The following RGS7 variants were observed in gnomAD, a reference collection of about 807,000 sequenced individuals.
RGS7 encodes regulator of G protein signaling 7.
In RGS7, 27 loss-of-function variants were observed where a neutral mutation model predicts 81.1. The observed-to-expected ratio is 0.33, with a 90% CI of 0.25 to 0.46. RGS7 has a LOEUF of 0.46. RGS7 is among the 20% of genes least tolerant of loss of function. The probability of loss-of-function intolerance (pLI) is 1.00; values close to 1 mark genes in which losing one functional copy is unlikely to be tolerated. For synonymous variants in RGS7, 208 were observed against 207.7 expected (o/e 1.00, Z -0.01); for missense variants, 396 against 607.4 (o/e 0.65, Z 3.66).
intron 3 of RGS7, among the ~76,000 whole-genome samples, chr1:241,027,509 C>T (rs2059852273): frequency 1.3e-5 from 2 of 152,160 alleles, no homozygotes; most frequent in East Asian, 1.9e-4. Flanking sequence ...AGCCAGGAGA[C>T]CCACTGCTGC....
At chr1:241,321,567 A>G (rs1450982321) in intron 2 of RGS7, among the ~76,000 whole-genome samples, 1 of 152,068 alleles carries the variant, frequency 6.6e-6, no homozygotes, top group Non-Finnish European at 1.5e-5. Context: ...CATCTTCCAA[A>G]CTTCTCTTTC....
chr1:240,956,925 G>T (rs1247403376), intron 4 of RGS7, among the ~76,000 whole-genome samples: 1 of 152,028 alleles, frequency 6.6e-6, no homozygotes, highest in Non-Finnish European at 1.5e-5. Flanking sequence ...TCCTCAAAAC[G>T]GTTAAGGCCG....
At chr1:240,864,259 CT>C (rs1258608572) in intron 9 of RGS7, among the ~76,000 whole-genome samples, 1 of 152,156 alleles carries the variant, frequency 6.6e-6, no homozygotes, top group African/African-American at 2.4e-5. Context: ...TGATACCTTT[CT>C]ATATTATATC....
intron 2 of RGS7, among the ~76,000 whole-genome samples, chr1:241,160,110 C>CAAAAAAAAAAA (rs369734662): frequency 8.9e-5 from 5 of 56,122 alleles, no homozygotes; most frequent in African/African-American, 1.9e-4. Flanking sequence ...GACTCCATCT[C>CAAAAAAAAAAA]AAAAAAAAAA....
intron 2 of RGS7, among the ~76,000 whole-genome samples, chr1:241,177,269 A>T (rs547808065): frequency 1.3e-3 from 194 of 152,340 alleles, no homozygotes; most frequent in Non-Finnish European, 1.8e-3. Flanking sequence ...CAGACACTGG[A>T]GTGACGAGAA....
At chr1:240,995,979 A>T (rs182286181) in intron 3 of RGS7, among the ~76,000 whole-genome samples, 1 of 151,830 alleles carries the variant, frequency 6.6e-6, no homozygotes, top group Non-Finnish European at 1.5e-5. Context: ...CTGCTTTAGC[A>T]GTGTTCCACA....
At chr1:240,976,416 A>G (rs566322987) in intron 4 of RGS7, among the ~76,000 whole-genome samples, 1 of 152,344 alleles carries the variant, frequency 6.6e-6, no homozygotes, top group East Asian at 1.9e-4. Context: ...CAACCTGGCT[A>G]GGACACTGTA....
At chr1:241,167,814 G>A (rs889209463) in intron 2 of RGS7, among the ~76,000 whole-genome samples, 9 of 152,084 alleles carry the variant, frequency 5.9e-5, no homozygotes, top group East Asian at 1.9e-4. Flanking sequence ...CACCACGCCC[G>A]GCCTGATCCT....
chr1:240,939,983 G>A (rs1009122313), intron 4 of RGS7, among the ~76,000 whole-genome samples: 2 of 152,130 alleles, frequency 1.3e-5, no homozygotes, highest in African/African-American at 2.4e-5. Context: ...GGGAGGCTGA[G>A]GCATGAGAAC....
chr1:241,134,521 C>T (rs1040080415), intron 2 of RGS7, among the ~76,000 whole-genome samples: 2 of 152,122 alleles, frequency 1.3e-5, no homozygotes, highest in Non-Finnish European at 2.9e-5. Flanking sequence ...TGAATCTGGA[C>T]TGAATACTGA....
chr1:241,261,738 A>C (rs1484479691), intron 2 of RGS7, among the ~76,000 whole-genome samples: 1 of 149,390 alleles, frequency 6.7e-6, no homozygotes, highest in Non-Finnish European at 1.5e-5. Context: ...GATGCTAAAT[A>C]AGGATCAGGA....
At chr1:241,225,890 G>C (rs1173041554) in intron 2 of RGS7, among the ~76,000 whole-genome samples, 1 of 152,174 alleles carries the variant, frequency 6.6e-6, no homozygotes, top group Non-Finnish European at 1.5e-5. Flanking sequence ...ACTGAATAGA[G>C]TGCCATTTAG....
chr1:240,823,167 G>A (rs780391429), intron 10 of RGS7: 39 of 1,140,994 alleles, frequency 3.4e-5, no homozygotes, highest in Admixed American at 3.4e-5. Context: ...CCCCATAGAA[G>A]TCCTCTTTGA....
At position 241,163,133 on chromosome 1, in the gene RGS7, C is replaced by T. The variant is rs938657568; in HGVS notation, c.79-64371G>A. 6.6e-6 allele frequency among the ~76,000 whole-genome samples: 1 copy of T among 152,102 alleles called. No individual in the cohort carries two copies. The highest frequency in any genetic ancestry group is 2.4e-5 in the African/African-American group (1 of 41,424). ...GAAGGCATAACCATTTGCGGCTTAACACAGCCAAAAGGTCAGAAAGGGGGT... is the reference window on the plus strand; with the variant it reads ...GAAGGCATAACCATTTGCGGCTTAATACAGCCAAAAGGTCAGAAAGGGGGT... On this transcript the variant is annotated intron_variant, in intron 2 of 18. Coordinates refer to ENST00000440928, the MANE Select transcript of RGS7 (RefSeq NM_001364886.1). The surrounding 1 kb of genome is among the most constrained non-coding windows in gnomAD (Gnocchi z 4.6).
At chr1:241,074,689 C>T (rs1452931782) in intron 3 of RGS7, among the ~76,000 whole-genome samples, 1 of 152,212 alleles carries the variant, frequency 6.6e-6, no homozygotes, top group African/African-American at 2.4e-5. Context: ...GAGTCACATT[C>T]CTCCTCCTCA....
chr1:241,030,373 T>TATATATATACACACAC (rs374223475), intron 3 of RGS7, among the ~76,000 whole-genome samples: 23 of 135,238 alleles, frequency 1.7e-4, no homozygotes, highest in African/African-American at 6.2e-4. Flanking sequence ...TATATATATA[T>TATATATATACACACAC]ACATACACAC....
intron 5 of RGS7, among the ~76,000 whole-genome samples, chr1:240,931,285 C>CCAATGAGAT (rs1427470001): frequency 6.6e-6 from 1 of 152,164 alleles, no homozygotes; most frequent in Non-Finnish European, 1.5e-5. Context: ...TCAGCATTGT[C>CCAATGAGAT]CAATGAGATT....
intron 12 of RGS7, among the ~76,000 whole-genome samples, chr1:240,814,031 GTTCCAATC>G (rs1239055722): frequency 6.6e-6 from 1 of 152,192 alleles, no homozygotes; most frequent in Non-Finnish European, 1.5e-5. Context: ...CTAAGAGTCA[GTTCCAATC>G]TTTGGTTAAT....
At chr1:240,996,599 T>G (rs1170252807) in intron 3 of RGS7, among the ~76,000 whole-genome samples, 1 of 152,214 alleles carries the variant, frequency 6.6e-6, no homozygotes, top group African/African-American at 2.4e-5. Context: ...CTGCTTCATA[T>G]GAAATTAATA....
Sources: gnomAD v4.1 joint callset for allele counts (sites outside exome capture counted in the v4.1 genomes callset) on GRCh38, gnomAD v4.1.1 for gene constraint, Gnocchi (gnomAD v3.1) non-coding constraint, MANE v1.5 for transcripts, NCBI Gene and HGNC (gene_info 2026-07-23, HGNC 2026-07-21) for gene names.